SEMA5A: variants seen among roughly 807,000 people sequenced by gnomAD.
SEMA5A encodes the protein semaphorin-5A.
In SEMA5A, 55 loss-of-function variants were observed where a neutral mutation model predicts 135.5. That is an observed-to-expected ratio of 0.41 (90% CI 0.33 to 0.51). The LOEUF (loss-of-function observed/expected upper bound fraction) is 0.51. Ranked by LOEUF, SEMA5A falls within the 20% of genes least tolerant of loss-of-function variation. SEMA5A has a pLI of 0.37. For missense variants in SEMA5A, 1,290 were observed against 1,419.9 expected, an observed-to-expected ratio of 0.91 and a Z score of 1.47; for synonymous variants, 580 against 546.5, an observed-to-expected ratio of 1.06 and a Z score of -0.85.
intron 16 of SEMA5A, among the ~76,000 whole-genome samples, chr5:9,083,012 A>G (rs898289969): frequency 2.6e-5 from 4 of 152,226 alleles, no homozygotes. Flanking sequence ...CTGTCTTTTT[A>G]TCAGCTCATA....
intron 3 of SEMA5A, among the ~76,000 whole-genome samples, chr5:9,361,155 C>T (rs989998391): frequency 5.9e-5 from 9 of 151,906 alleles, no homozygotes; most frequent in Admixed American, 2.0e-4. Context: ...GAAAATTAGC[C>T]GGGCAAGTTG....
At chr5:9,170,375 A>G (rs963783659) in intron 11 of SEMA5A, among the ~76,000 whole-genome samples, 3 of 152,164 alleles carry the variant, frequency 2.0e-5, no homozygotes, top group African/African-American at 7.2e-5. Flanking sequence ...CCACTACCCA[A>G]CATGTACATG....
chr5:9,323,039 C>G (rs867560360), intron 4 of SEMA5A, among the ~76,000 whole-genome samples: 2 of 152,190 alleles, frequency 1.3e-5, no homozygotes, highest in Non-Finnish European at 2.9e-5. Flanking sequence ...TTGAGGAGAA[C>G]AGTTTGAGCC....
chr5:9,485,570 T>G (rs567259350), intron 1 of SEMA5A, among the ~76,000 whole-genome samples: 1 of 152,324 alleles, frequency 6.6e-6, no homozygotes, highest in Admixed American at 6.5e-5. Context: ...CTCCACCCTG[T>G]GTCAAGCAGC....
At chr5:9,259,615 T>G (rs936389925) in intron 5 of SEMA5A, among the ~76,000 whole-genome samples, 1 of 152,078 alleles carries the variant, frequency 6.6e-6, no homozygotes, top group Non-Finnish European at 1.5e-5. Context: ...CCTTGTTGAC[T>G]TTCTGTCTCC....
intron 5 of SEMA5A, among the ~76,000 whole-genome samples, chr5:9,276,426 C>A (rs1750264289): frequency 6.6e-6 from 1 of 152,178 alleles, no homozygotes; most frequent in Non-Finnish European, 1.5e-5. Context: ...ATCAAGCTAC[C>A]ATTGACTTTC....
intron 17 of SEMA5A, 81 bp downstream of exon 17, chr5:9,066,340 C>T (rs1737462403): frequency 7.5e-7 from 1 of 1,339,484 alleles, no homozygotes. Flanking sequence ...GGAAAATGCC[C>T]CCTTGCTGTT....
chr5:9,213,942 G>A (rs976586750), intron 8 of SEMA5A, among the ~76,000 whole-genome samples: 5 of 152,098 alleles, frequency 3.3e-5, no homozygotes, highest in Admixed American at 1.3e-4. Flanking sequence ...TCGTAAGGTT[G>A]GGGCAAGAGA....
intron 16 of SEMA5A, among the ~76,000 whole-genome samples, chr5:9,069,925 A>T (rs367626360): frequency 5.9e-5 from 9 of 152,326 alleles, no homozygotes; most frequent in African/African-American, 1.9e-4. Context: ...GGAAAGCCAT[A>T]AACCCTTGTC....
At chr5:9,327,741 T>C (rs1392173996) in intron 4 of SEMA5A, among the ~76,000 whole-genome samples, 1 of 152,182 alleles carries the variant, frequency 6.6e-6, no homozygotes. Context: ...ACACTAATAG[T>C]TTACATTTTA....
At chr5:9,260,939 A>C (rs2150513869) in intron 5 of SEMA5A, among the ~76,000 whole-genome samples, 1 of 93,586 alleles carries the variant, frequency 1.1e-5, no homozygotes, top group South Asian at 4.9e-4. Flanking sequence ...AATTAGGAAA[A>C]GAGGAAGTCA....
At chr5:9,488,296 C>T (rs934330431) in intron 1 of SEMA5A, among the ~76,000 whole-genome samples, 3 of 152,172 alleles carry the variant, frequency 2.0e-5, no homozygotes, top group African/African-American at 7.2e-5. Flanking sequence ...TCCACCTACA[C>T]ATGAACCCAG....
chr5:9,206,526 C>T lies in SEMA5A; in HGVS notation c.647-4286G>A, dbSNP rs1054224172. On this transcript the variant is annotated intron_variant, in intron 8 of 22. Transcript: ENST00000382496. ...CAAATACTGAGAATCCAAAAGAAGC[C>T]TCCCATTCTATATTCTTTCTATTCC... is the stretch of plus-strand genomic sequence containing the variant. Among the ~76,000 whole-genome samples, 6 of 152,076 alleles carry T rather than the reference C, an allele frequency of 3.9e-5. No individual in the cohort carries two copies. In the South Asian group the frequency reaches 8.3e-4, roughly 21 times the overall value.
chr5:9,057,367 A>T lies in SEMA5A; in HGVS notation c.2519-3110T>A, dbSNP rs78902668. ...TTCCATAATCATGCAACATCTAATGATCTCATACCAGGAAGCTGATGTACA... is the reference window on the plus strand; with the variant it reads ...TTCCATAATCATGCAACATCTAATGTTCTCATACCAGGAAGCTGATGTACA... On this transcript the variant is annotated intron_variant, in intron 18 of 22. Transcript: ENST00000382496. 6.3e-3 allele frequency among the ~76,000 whole-genome samples: 967 copies of T among 152,314 alleles called. 4 individuals are homozygous for T. Among genetic ancestry groups the T allele is most frequent in the South Asian group, 0.012 (59 of 4,824 alleles).
At chr5:9,260,902 G>T (rs1257777005) in intron 5 of SEMA5A, among the ~76,000 whole-genome samples, 1 of 94,182 alleles carries the variant, frequency 1.1e-5, no homozygotes, top group Admixed American at 1.2e-4. Context: ...AGGGCAATCA[G>T]GCAGGAGAAG....
At chr5:9,492,161 G>A (rs1735047487) in intron 1 of SEMA5A, among the ~76,000 whole-genome samples, 1 of 152,180 alleles carries the variant, frequency 6.6e-6, no homozygotes, top group Non-Finnish European at 1.5e-5. Context: ...GGATGAGGTA[G>A]GAAAGACAAC....
chr5:9,056,455 C>T (rs1052353588), intron 18 of SEMA5A, among the ~76,000 whole-genome samples: 5 of 152,204 alleles, frequency 3.3e-5, no homozygotes, highest in African/African-American at 1.2e-4. Context: ...GGCATGGTGG[C>T]TCACACCTGT....
At chr5:9,226,077 C>T (rs2150420069) in intron 7 of SEMA5A, among the ~76,000 whole-genome samples, 1 of 152,270 alleles carries the variant, frequency 6.6e-6, no homozygotes, top group East Asian at 1.9e-4. Flanking sequence ...GGGTGCAGCA[C>T]CTAGAGAGCT....
chr5:9,353,189 G>GGAAAGGAAAGGAAAGGAAA (rs1754250406), intron 3 of SEMA5A, among the ~76,000 whole-genome samples: 186 of 16,716 alleles, frequency 0.011, 21 homozygotes, highest in East Asian at 0.048. Flanking sequence ...AGGAAGGGAA[G>GGAAAGGAAAGGAAAGGAAA]GGAAAGGAAA....
Sources: gnomAD v4.1 joint callset for allele counts (sites outside exome capture counted in the v4.1 genomes callset) on GRCh38, gnomAD v4.1.1 for gene constraint, MANE v1.5 for transcripts, NCBI Gene and HGNC (gene_info 2026-07-23, HGNC 2026-07-21) for gene names.